Variants in ANKRD55 observed in about 807,000 individuals in gnomAD.
The protein encoded by ANKRD55 is ankyrin repeat domain-containing protein 55.
A neutral mutation model predicts 60.6 loss-of-function variants in ANKRD55; 41 were observed. The ratio of observed to expected loss-of-function variants is 0.68; its 90% CI spans 0.53 to 0.88. The LOEUF (loss-of-function observed/expected upper bound fraction) is 0.88, where lower values mean the gene tolerates loss of function less well. ANKRD55 is among the 40% of genes least tolerant of loss of function. The pLI is 0.00. For synonymous variants in ANKRD55, 264 were observed against 290.3 expected (o/e 0.91, Z 0.92); for missense variants, 732 against 767.6 (o/e 0.95, Z 0.55).
At chr5:56,169,401 G>C (rs1000436684) in intron 5 of ANKRD55, among the ~76,000 whole-genome samples, 1 of 150,590 alleles carries the variant, frequency 6.6e-6, no homozygotes, top group South Asian at 2.1e-4. Flanking sequence ...GTATGATTTT[G>C]TGACTAAGCA....
chr5:56,150,442 G>GA (rs59173254), intron 6 of ANKRD55, among the ~76,000 whole-genome samples: 135,482 of 148,350 alleles, frequency 0.91, 61,953 homozygotes, highest in Non-Finnish European at 0.94. Flanking sequence ...TGCCTCTACA[G>GA]AAAAAAAAAA....
intron 7 of ANKRD55, among the ~76,000 whole-genome samples, chr5:56,130,193 T>G (rs576609127): frequency 6.6e-6 from 1 of 152,346 alleles, no homozygotes; most frequent in South Asian, 2.1e-4. Context: ...AGGTACCTTT[T>G]TTTAATATAC....
At chr5:56,169,109 G>A (rs1758549460) in intron 5 of ANKRD55, among the ~76,000 whole-genome samples, 1 of 152,096 alleles carries the variant, frequency 6.6e-6, no homozygotes, top group African/African-American at 2.4e-5. Context: ...CATCTGCCTC[G>A]GCCTCCCAAA....
At chr5:56,100,752 C>CTT (rs1355586816) in intron 11 of ANKRD55, among the ~76,000 whole-genome samples, 2 of 152,170 alleles carry the variant, frequency 1.3e-5, no homozygotes, top group African/African-American at 4.8e-5. Context: ...GATCAAAGAT[C>CTT]TTTATCTTTC....
intron 9 of ANKRD55, among the ~76,000 whole-genome samples, chr5:56,115,481 G>A (rs149477593): frequency 2.0e-3 from 299 of 151,906 alleles, no homozygotes; most frequent in Admixed American, 3.0e-3. Flanking sequence ...ACCACATCTG[G>A]CTAGTTTTTC....
intron 3 of ANKRD55, among the ~76,000 whole-genome samples, chr5:56,182,031 C>A (rs1366092926): frequency 6.6e-6 from 1 of 152,074 alleles, no homozygotes; most frequent in Non-Finnish European, 1.5e-5. Flanking sequence ...GTAATACTAG[C>A]TCATAAACAT....
chr5:56,137,344 C>T, intron 7 of ANKRD55: 1 of 1,425,578 alleles, frequency 7.0e-7, no homozygotes, highest in Non-Finnish European at 9.8e-7. Context: ...AACAAAGCAC[C>T]TAAGATGTGC....
chr5:56,166,086 T>TTCTTTCTTTC (rs1554040773), intron 5 of ANKRD55, among the ~76,000 whole-genome samples: 1 of 91,844 alleles, frequency 1.1e-5, no homozygotes, highest in African/African-American at 3.6e-5. Flanking sequence ...TTTCTTTTCT[T>TTCTTTCTTTC]TTTCTTTCTT....
At chr5:56,120,762 A>G (rs1420927090) in intron 8 of ANKRD55, among the ~76,000 whole-genome samples, 4 of 152,006 alleles carry the variant, frequency 2.6e-5, no homozygotes, top group African/African-American at 4.8e-5. Context: ...AGCTGGGCGT[A>G]GTGGCACATG....
intron 2 of ANKRD55, among the ~76,000 whole-genome samples, chr5:56,224,118 A>C (rs1401298328): frequency 6.6e-6 from 1 of 152,224 alleles, no homozygotes; most frequent in African/African-American, 2.4e-5. Context: ...GTAAAAGAAC[A>C]GAAATTATAA....
chr5:56,144,653 A>T (rs1757853539), intron 6 of ANKRD55, among the ~76,000 whole-genome samples: 1 of 152,228 alleles, frequency 6.6e-6, no homozygotes, highest in Non-Finnish European at 1.5e-5. Flanking sequence ...GATTTTAAGC[A>T]GGTACTGGCA....
chr5:56,216,252 A>G (rs552299885), intron 2 of ANKRD55, among the ~76,000 whole-genome samples: 1 of 152,106 alleles, frequency 6.6e-6, no homozygotes, highest in African/African-American at 2.4e-5. Flanking sequence ...GACCGCATCC[A>G]CAGAAGATGG....
intron 8 of ANKRD55, 77 bp downstream of exon 8, chr5:56,126,845 T>A (rs992788685): frequency 4.0e-6 from 6 of 1,495,650 alleles, no homozygotes; most frequent in Non-Finnish European, 4.5e-6. Flanking sequence ...GACACCTCCT[T>A]AAACATCTCC....
intron 3 of ANKRD55, among the ~76,000 whole-genome samples, chr5:56,183,280 T>C (rs1221855573): frequency 2.0e-5 from 3 of 152,218 alleles, no homozygotes; most frequent in Non-Finnish European, 4.4e-5. Context: ...GCCTGCTCTT[T>C]CCGTACCTTT....
chr5:56,110,783 C>T (rs538090123), intron 10 of ANKRD55, among the ~76,000 whole-genome samples: 29 of 152,320 alleles, frequency 1.9e-4, no homozygotes, highest in African/African-American at 6.7e-4. Flanking sequence ...AAACAAACTC[C>T]TCACAGGTAT....
intron 7 of ANKRD55, chr5:56,127,599 C>T: frequency 1.0e-6 from 1 of 984,692 alleles, no homozygotes; most frequent in East Asian, 1.1e-4. Context: ...CGGGGTAGGG[C>T]CAAGGAGCAG....
chr5:56,162,185 TGG>T, intron 5 of ANKRD55: 1 of 255,770 alleles, frequency 3.9e-6, no homozygotes, highest in Non-Finnish European at 6.1e-6. Context: ...CAGGATCTTC[TGG>T]GGCTCTAACC....
At position 56,173,576 on chromosome 5, in the gene ANKRD55, CTCTCTCTATA is replaced by C. The variant is rs1429431831; in HGVS notation, c.312+2566_312+2575del. ...TCTCTCTCTCTCTCTCTCTCTCTCT[CTCTCTCTATA>C]TATATATATATATATATATATCTTG... is the stretch of plus-strand genomic sequence containing the variant. On this transcript the variant is annotated intron_variant, in intron 4 of 11. Transcript: ENST00000341048. Among the ~76,000 whole-genome samples, 55 of 85,410 alleles carry C rather than the reference CTCTCTCTATA, an allele frequency of 6.4e-4. No homozygotes were observed. In the South Asian group the frequency reaches 7.9e-3, roughly 12 times the overall value. The allele number at this position is 85,410 out of a possible 152,430, so 56.0% of individuals were successfully genotyped here. A position where few individuals can be genotyped will look rare whatever the true frequency, so the allele number is the denominator to read the frequency against.
At chr5:56,153,004 GC>G (rs1350296637) in intron 6 of ANKRD55, among the ~76,000 whole-genome samples, 1 of 152,026 alleles carries the variant, frequency 6.6e-6, no homozygotes, top group East Asian at 1.9e-4. Flanking sequence ...TTTCAAAATA[GC>G]CAACAGCCTA....
Sources: allele counts gnomAD v4.1 joint callset (sites outside exome capture counted in the v4.1 genomes callset), GRCh38; gene constraint gnomAD v4.1.1; transcripts MANE v1.5; gene names NCBI Gene and HGNC (gene_info 2026-07-23, HGNC 2026-07-21).